The following CLASP1 variants were observed in gnomAD, a reference collection of about 807,000 sequenced individuals.
CLASP1 encodes the protein CLIP-associating protein 1.
A neutral mutation model predicts 192.3 loss-of-function variants in CLASP1; 38 were observed. The observed-to-expected ratio is 0.20, with a 90% CI of 0.15 to 0.26. The LOEUF is 0.26. Ranked by LOEUF, CLASP1 falls within the 10% of genes least tolerant of loss-of-function variation. CLASP1 has a pLI of 1.00. For synonymous variants in CLASP1, 691 were observed against 712.8 expected (o/e 0.97, Z 0.49); for missense variants, 1,433 against 1,932.5 (o/e 0.74, Z 4.85).
At chr2:121,497,305 A>G (rs1006405239) in intron 8 of CLASP1, among the ~76,000 whole-genome samples, 2 of 152,232 alleles carry the variant, frequency 1.3e-5, no homozygotes, top group African/African-American at 4.8e-5. Flanking sequence ...AGGATGAATA[A>G]TGGAGCAATC....
intron 2 of CLASP1, among the ~76,000 whole-genome samples, chr2:121,578,570 A>G (rs1576176525): frequency 6.6e-6 from 1 of 152,020 alleles, no homozygotes; most frequent in East Asian, 1.9e-4. Context: ...TCTACTAAAA[A>G]TACAAAAATT....
Position 121,367,583 on chromosome 2 carries a change from C to A in CLASP1, c.3886+5G>T. ...GTGGGGACAGTTAAGAAAAGAGACA[C>A]CAACCGTCTCGAAGCTGCTCCATGT... On this transcript the variant is annotated splice_donor_5th_base_variant and intron_variant, in intron 35 of 39. Coordinates refer to ENST00000263710, the Ensembl canonical transcript of CLASP1. 3.7e-6 allele frequency: 6 copies of A among 1,614,002 alleles called. No homozygotes were observed. The highest frequency in any genetic ancestry group is 5.1e-6 in the Non-Finnish European group (6 of 1,179,888).
rs187046864 is a variant in CLASP1, at chr2:121,346,291, C to T, written c.4530+747G>A. On this transcript the variant is annotated intron_variant, in intron 39 of 39. Coordinates refer to ENST00000263710, the Ensembl canonical transcript of CLASP1. The stretch of plus-strand genomic sequence containing the variant: ...TCCTCTCTGGGAACCAAGGCCTCAC[C>T]CCTTCACCATGCCTCTCCTGCCACA... Among the ~76,000 whole-genome samples the T allele has an allele frequency of 1.5e-3, 232 of 152,360 alleles. 1 individual carries two copies. Among genetic ancestry groups the T allele is most frequent in the Admixed American group, 0.014 (209 of 15,306 alleles).
At chr2:121,425,665 T>G (rs1323238219) in intron 21 of CLASP1, among the ~76,000 whole-genome samples, 1 of 152,130 alleles carries the variant, frequency 6.6e-6, no homozygotes, top group African/African-American at 2.4e-5. Flanking sequence ...ACTATAACAA[T>G]TTTCTTAGCA....
intron 2 of CLASP1, among the ~76,000 whole-genome samples, chr2:121,564,198 G>A (rs1206959725): frequency 6.6e-6 from 1 of 152,168 alleles, no homozygotes; most frequent in Non-Finnish European, 1.5e-5. Flanking sequence ...GGAATTCACT[G>A]ATTAGCTAAA....
chr2:121,608,890 A>G (rs2064813138), intron 1 of CLASP1, among the ~76,000 whole-genome samples: 2 of 152,196 alleles, frequency 1.3e-5, no homozygotes, highest in African/African-American at 4.8e-5. Flanking sequence ...TAATAATAAT[A>G]CAATTTAAGG....
chr2:121,541,144 C>T (rs1014064812), intron 2 of CLASP1, among the ~76,000 whole-genome samples: 9 of 152,100 alleles, frequency 5.9e-5, no homozygotes, highest in African/African-American at 2.2e-4. Context: ...CAAAATGGAA[C>T]AGTTATCTTT....
At chr2:121,628,929 G>T (rs1056023419) in intron 1 of CLASP1, among the ~76,000 whole-genome samples, 5 of 147,444 alleles carry the variant, frequency 3.4e-5, no homozygotes, top group Non-Finnish European at 4.5e-5. Context: ...ATATCAAGTT[G>T]TTCACTGCAG....
exon 22 of CLASP1, chr2:121,425,240 G>A (rs2080190428): frequency 6.2e-7 from 1 of 1,613,488 alleles, no homozygotes; most frequent in South Asian, 1.1e-5. Context: ...GCCTCGTGAG[G>A]AGCCCCCAGT....
chr2:121,578,890 AC>A (rs1326535322), intron 2 of CLASP1, among the ~76,000 whole-genome samples: 13 of 152,190 alleles, frequency 8.5e-5, no homozygotes, highest in Non-Finnish European at 1.6e-4. Flanking sequence ...TAAAACTCAT[AC>A]ACTTATACAC....
intron 24 of CLASP1, among the ~76,000 whole-genome samples, chr2:121,409,695 A>T (rs183945159): frequency 4.0e-4 from 61 of 152,302 alleles, no homozygotes; most frequent in African/African-American, 1.4e-3. Flanking sequence ...TCCACTTCCC[A>T]GGGTCTCTGA....
exon 10 of CLASP1, chr2:121,462,553 A>G (rs1163869266): frequency 1.3e-6 from 2 of 1,599,802 alleles, no homozygotes; most frequent in African/African-American, 2.7e-5. Context: ...GTACATCATC[A>G]AATGCTTTAA....
intron 2 of CLASP1, among the ~76,000 whole-genome samples, chr2:121,538,877 T>A (rs1177686002): frequency 6.6e-6 from 1 of 152,006 alleles, no homozygotes; most frequent in African/African-American, 2.4e-5. Flanking sequence ...AAAATTACAT[T>A]TCTATTCTCA....
intron 33 of CLASP1, among the ~76,000 whole-genome samples, chr2:121,379,449 C>T (rs530463972): frequency 1.3e-5 from 2 of 152,262 alleles, no homozygotes; most frequent in South Asian, 2.1e-4. Context: ...GAGGCTCCCC[C>T]GCTCCTTCTG....
chr2:121,421,631 C>T (rs1292170960), intron 22 of CLASP1, among the ~76,000 whole-genome samples: 3 of 152,246 alleles, frequency 2.0e-5, no homozygotes, highest in East Asian at 1.9e-4. Flanking sequence ...CAACCTCCGC[C>T]TTCCAGGTTT....
At chr2:121,520,152 C>T (rs1258418340) in intron 6 of CLASP1, among the ~76,000 whole-genome samples, 1 of 152,174 alleles carries the variant, frequency 6.6e-6, no homozygotes, top group Non-Finnish European at 1.5e-5. Flanking sequence ...TAGTCACCTG[C>T]CCAATGCCCA....
intron 19 of CLASP1, among the ~76,000 whole-genome samples, chr2:121,442,717 T>A (rs2083561779): frequency 6.6e-6 from 1 of 152,088 alleles, no homozygotes; most frequent in African/African-American, 2.4e-5. Context: ...TGACCTCAGG[T>A]GATTCACCTG....
intron 2 of CLASP1, among the ~76,000 whole-genome samples, chr2:121,591,101 C>T (rs1428294332): frequency 6.6e-6 from 1 of 152,028 alleles, no homozygotes. Context: ...CTCCTGACCT[C>T]GTGATCCGCC....
intron 2 of CLASP1, among the ~76,000 whole-genome samples, chr2:121,536,178 G>A (rs956435149): frequency 1.1e-4 from 17 of 150,722 alleles, no homozygotes; most frequent in African/African-American, 2.4e-4. Context: ...TCAGGAGATC[G>A]AGACCATCCT....
Sources: gnomAD v4.1 joint callset for allele counts (sites outside exome capture counted in the v4.1 genomes callset) on GRCh38, gnomAD v4.1.1 for gene constraint, MANE v1.5 for transcripts, NCBI Gene and HGNC (gene_info 2026-07-23, HGNC 2026-07-21) for gene names.